The following DGKG variants were observed in gnomAD, a reference collection of about 807,000 sequenced individuals.
DGKG encodes the protein diacylglycerol kinase gamma, also known as DAG kinase gamma.
A neutral mutation model predicts 105.3 loss-of-function variants in DGKG; 78 were observed. The observed-to-expected ratio is 0.74, with a 90% CI of 0.62 to 0.89. The LOEUF (loss-of-function observed/expected upper bound fraction) is 0.89. Ranked by LOEUF, DGKG falls within the 40% of genes least tolerant of loss-of-function variation. DGKG has a pLI of 0.00. For missense variants in DGKG, 958 were observed against 1,020.1 expected (o/e 0.94, Z 0.83); for synonymous variants, 346 against 367.1 (o/e 0.94, Z 0.66).
chr3:186,237,193 C>G (rs972821193), intron 20 of DGKG, among the ~76,000 whole-genome samples: 1 of 152,184 alleles, frequency 6.6e-6, no homozygotes, highest in Non-Finnish European at 1.5e-5. Flanking sequence ...ATTGCAAACA[C>G]CCTACTCTGT....
chr3:186,301,537 G>A (rs893923507), intron 3 of DGKG, among the ~76,000 whole-genome samples: 14 of 152,224 alleles, frequency 9.2e-5, no homozygotes, highest in African/African-American at 3.4e-4. Context: ...TGAGGCAGGA[G>A]AATGGCATGA....
rs1185574592 is a variant in DGKG at position 186,150,121 on chromosome 3, GAGA to G, written c.2342_2344del (p.Phe781del). 1 of 1,613,686 alleles carries G rather than the reference GAGA, an allele frequency of 6.2e-7. No homozygotes were observed. Among genetic ancestry groups the G allele is most frequent in the East Asian group, 2.2e-5 (1 of 44,860 alleles). On this transcript the variant is annotated inframe_deletion, in exon 25 of 25. Transcript: ENST00000265022. Reference sequence around the variant, plus strand: ...TTTTGAACGGCTCTTCCTTCTCAACGAGAAGAAGCTGCTCTTCTGGGGAGGCCC... The same window carrying G: ...TTTTGAACGGCTCTTCCTTCTCAACGAGAAGCTGCTCTTCTGGGGAGGCCC...
At chr3:186,225,727 A>G (rs1448939037) in intron 20 of DGKG, among the ~76,000 whole-genome samples, 1 of 151,976 alleles carries the variant, frequency 6.6e-6, no homozygotes, top group East Asian at 1.9e-4. Flanking sequence ...TCTCATTTAC[A>G]TGAACTGCCT....
intron 5 of DGKG, 28 bp from the exon 6 acceptor site, chr3:186,288,908 A>G: frequency 1.3e-6 from 2 of 1,521,198 alleles, no homozygotes; most frequent in Non-Finnish European, 8.8e-7. Context: ...AAAACATCCA[A>G]GGACATTTTC....
chr3:186,358,249 T>G (rs563086737), intron 1 of DGKG, among the ~76,000 whole-genome samples: 2 of 152,402 alleles, frequency 1.3e-5, no homozygotes, highest in African/African-American at 4.8e-5. Context: ...GTGGGAGATA[T>G]GCAAATAGTG....
At chr3:186,327,494 T>C (rs899414610) in intron 1 of DGKG, among the ~76,000 whole-genome samples, 1 of 151,300 alleles carries the variant, frequency 6.6e-6, no homozygotes, top group Non-Finnish European at 1.5e-5. Flanking sequence ...TAAGCAATCC[T>C]CCCACTTCAG....
intron 5 of DGKG, among the ~76,000 whole-genome samples, chr3:186,296,372 G>A (rs1420729935): frequency 6.6e-6 from 1 of 152,208 alleles, no homozygotes; most frequent in African/African-American, 2.4e-5. Flanking sequence ...GGCTCCTTAA[G>A]CAACATGCTC....
chr3:186,322,843 C>T (rs1215832280), intron 1 of DGKG, among the ~76,000 whole-genome samples: 7 of 152,160 alleles, frequency 4.6e-5, no homozygotes, highest in African/African-American at 1.2e-4. Flanking sequence ...TGTCCCCAGC[C>T]GCTCGGGTTA....
chr3:186,213,021 C>G (rs1719108657), intron 20 of DGKG, among the ~76,000 whole-genome samples: 2 of 152,168 alleles, frequency 1.3e-5, no homozygotes, highest in South Asian at 4.1e-4. Flanking sequence ...ATAGACACAA[C>G]TCTTTTCTGC....
intron 10 of DGKG, among the ~76,000 whole-genome samples, 158 bp from the exon 11 acceptor site, chr3:186,272,501 A>G (rs565800204): frequency 6.6e-6 from 1 of 152,342 alleles, no homozygotes; most frequent in East Asian, 1.9e-4. Flanking sequence ...AATTCAAAAC[A>G]GTCTCTAATT....
At chr3:186,202,872 T>C (rs1274660798) in intron 21 of DGKG, among the ~76,000 whole-genome samples, 4 of 152,190 alleles carry the variant, frequency 2.6e-5, no homozygotes, top group Non-Finnish European at 5.9e-5. Context: ...TAAAACATAA[T>C]CTTTAAAAGT....
chr3:186,265,772 C>T (rs7619004), intron 13 of DGKG, among the ~76,000 whole-genome samples: 34,346 of 150,198 alleles, frequency 0.23, 4,140 homozygotes, highest in South Asian at 0.29. Context: ...AAGTGATTCT[C>T]CTGTCTCGGC....
At chr3:186,267,824 A>G (rs1419646298) in intron 12 of DGKG, 47 bp from the exon 13 acceptor site, 1 of 1,563,394 alleles carries the variant, frequency 6.4e-7, no homozygotes, top group Non-Finnish European at 8.8e-7. Context: ...GAGCAAAGAA[A>G]CATCAAACAT....
At chr3:186,283,093 G>C (rs973733513) in intron 7 of DGKG, among the ~76,000 whole-genome samples, 2 of 151,838 alleles carry the variant, frequency 1.3e-5, no homozygotes, top group Non-Finnish European at 1.5e-5. Context: ...ATTTTTAGTA[G>C]AAACGGGGTT....
At chr3:186,230,757 G>C (rs1340897761) in intron 20 of DGKG, among the ~76,000 whole-genome samples, 1 of 152,174 alleles carries the variant, frequency 6.6e-6, no homozygotes, top group Non-Finnish European at 1.5e-5. Context: ...AGGAGCACAG[G>C]AGGCAAGCGG....
chr3:186,359,957 G>T (rs902369149), intron 1 of DGKG, among the ~76,000 whole-genome samples: 1 of 152,102 alleles, frequency 6.6e-6, no homozygotes, highest in African/African-American at 2.4e-5. Context: ...ACAAAGAAAA[G>T]GTACTTCCCC....
intron 1 of DGKG, among the ~76,000 whole-genome samples, chr3:186,353,178 G>A (rs1458001819): frequency 6.6e-6 from 1 of 151,886 alleles, no homozygotes; most frequent in Non-Finnish European, 1.5e-5. Flanking sequence ...GATTTCCTAG[G>A]TCCAATACCT....
At chr3:186,235,064 A>G (rs967546581) in intron 20 of DGKG, among the ~76,000 whole-genome samples, 4 of 152,198 alleles carry the variant, frequency 2.6e-5, no homozygotes, top group Non-Finnish European at 5.9e-5. Flanking sequence ...CCCATATTTC[A>G]TTCATTTTAC....
intron 20 of DGKG, among the ~76,000 whole-genome samples, chr3:186,233,543 G>C (rs1412771025): frequency 6.6e-6 from 1 of 152,162 alleles, no homozygotes; most frequent in Non-Finnish European, 1.5e-5. Context: ...GCAGTGGCGC[G>C]ATCTCGGCTC....
Sources: gnomAD v4.1 joint callset for allele counts (sites outside exome capture counted in the v4.1 genomes callset) on GRCh38, gnomAD v4.1.1 for gene constraint, MANE v1.5 for transcripts, NCBI Gene and HGNC (gene_info 2026-07-23, HGNC 2026-07-21) for gene names.